The following KLHL29 variants were observed in gnomAD, a reference collection of about 807,000 sequenced individuals.
KLHL29 encodes kelch-like protein 29.
A neutral mutation model predicts 80.4 loss-of-function variants in KLHL29; 21 were observed. The observed-to-expected ratio is 0.26, with a 90% CI of 0.19 to 0.38. KLHL29 has a LOEUF of 0.38. Among genes scored for constraint, KLHL29 ranks in the 10% least tolerant of loss-of-function variants. The pLI, the probability that KLHL29 is intolerant of heterozygous loss-of-function variation, is 1.00. For missense variants in KLHL29, 867 were observed against 1,223.9 expected (o/e 0.71, Z 4.35); for synonymous variants, 511 against 526.8 (o/e 0.97, Z 0.41).
At chr2:23,399,414 A>T (rs913189854) in intron 1 of KLHL29, among the ~76,000 whole-genome samples, 18 of 152,348 alleles carry the variant, frequency 1.2e-4, no homozygotes, top group African/African-American at 4.3e-4. Flanking sequence ...CATCACAATA[A>T]AAAAATAGAT....
At chr2:23,633,794 T>G (rs900453678) in intron 3 of KLHL29, among the ~76,000 whole-genome samples, 1 of 151,732 alleles carries the variant, frequency 6.6e-6, no homozygotes, top group Non-Finnish European at 1.5e-5. Flanking sequence ...TGTGTGTGTT[T>G]AATTTGACTA....
chr2:23,601,193 G>A (rs1039238017), intron 3 of KLHL29, among the ~76,000 whole-genome samples: 5 of 152,136 alleles, frequency 3.3e-5, no homozygotes, highest in South Asian at 2.1e-4. Flanking sequence ...ACAAAAAGGC[G>A]TCGTCAAAAG....
chr2:23,512,527 T>C (rs1665804872), intron 2 of KLHL29, among the ~76,000 whole-genome samples: 1 of 152,200 alleles, frequency 6.6e-6, no homozygotes. Flanking sequence ...AAAAGAAGTT[T>C]AGAATGATAT....
chr2:23,562,610 T>C lies in KLHL29; in HGVS notation c.285+129T>C, dbSNP rs1667480003. The C allele has an allele frequency of 1.1e-6, 1 of 915,652 alleles. No individual in the cohort carries two copies. Among genetic ancestry groups the C allele is most frequent in the African/African-American group, 1.7e-5 (1 of 59,096 alleles). 56.7% of individuals were successfully genotyped at this position (915,652 alleles called of 1,614,324 possible). A position where few individuals can be genotyped will look rare whatever the true frequency, so the allele number is the denominator to read the frequency against. Reference sequence around the variant, plus strand: ...ACGCCCCGAGTCCTCCAGAGTCTTGTCCTTCCAGGACCTGGGCCTGGAAAC... The same window carrying C: ...ACGCCCCGAGTCCTCCAGAGTCTTGCCCTTCCAGGACCTGGGCCTGGAAAC... On this transcript the variant is annotated intron_variant, in intron 3 of 13. Transcript: ENST00000486442. The surrounding 1 kb of genome is among the most constrained non-coding windows in gnomAD (Gnocchi z 4.5).
chr2:23,524,385 C>CA, intron 2 of KLHL29: 2 of 165,294 alleles, frequency 1.2e-5, no homozygotes, highest in South Asian at 1.6e-4. Context: ...TAGGTCCTGC[C>CA]CCGGGCTCCC....
At chr2:23,510,576 C>T (rs61507117) in intron 2 of KLHL29, among the ~76,000 whole-genome samples, 10,308 of 152,292 alleles carry the variant, frequency 0.068, 410 homozygotes, top group Non-Finnish European at 0.089. Flanking sequence ...CAGGGTCCCC[C>T]GATTGTCACC....
chr2:23,499,363 A>G (rs1175541751), intron 2 of KLHL29, among the ~76,000 whole-genome samples: 1 of 152,126 alleles, frequency 6.6e-6, no homozygotes, highest in East Asian at 1.9e-4. Flanking sequence ...CAGGAAATGG[A>G]CAGATTAGGG....
chr2:23,607,815 C>T (rs1668766229), intron 3 of KLHL29, among the ~76,000 whole-genome samples: 1 of 152,188 alleles, frequency 6.6e-6, no homozygotes, highest in African/African-American at 2.4e-5. Context: ...GAACCATCTC[C>T]CCACACCCCC....
In KLHL29 at chr2:23,642,831, C is replaced by A. The variant is rs1048662480; in HGVS notation, c.921C>A (p.Thr307=). The change falls in exon 5 of 14, where the codon ACC becomes ACA. Residue 307 remains threonine (T), a synonymous_variant. Coordinates refer to ENST00000486442, the MANE Select transcript of KLHL29 (RefSeq NM_052920.2). ...RTIGVGKYEF[T]DPGHPREMLK... ...TTGGCGTGGGGAAGTATGAGTTCACCGACCCGGGGCACCCCAGAGGTAAGT... is the reference window on the plus strand; with the variant it reads ...TTGGCGTGGGGAAGTATGAGTTCACAGACCCGGGGCACCCCAGAGGTAAGT... 6.4e-7 allele frequency: 1 copy of A among 1,550,398 alleles called. No homozygotes were observed. The highest frequency in any genetic ancestry group is 1.4e-5 in the African/African-American group (1 of 73,150).
chr2:23,506,354 C>T (rs1289249479), intron 2 of KLHL29, among the ~76,000 whole-genome samples: 3 of 152,202 alleles, frequency 2.0e-5, no homozygotes, highest in Admixed American at 1.3e-4. Flanking sequence ...CCACGATGCA[C>T]CTCTGCCATG....
At chr2:23,525,475 G>C (rs572630877) in intron 2 of KLHL29, among the ~76,000 whole-genome samples, 7 of 152,354 alleles carry the variant, frequency 4.6e-5, no homozygotes, top group Admixed American at 4.6e-4. Flanking sequence ...AATGGTGGCC[G>C]GAGCTTGCTG....
At chr2:23,607,237 A>T (rs946737667) in intron 3 of KLHL29, among the ~76,000 whole-genome samples, 2 of 152,038 alleles carry the variant, frequency 1.3e-5, no homozygotes, top group African/African-American at 4.8e-5. Context: ...AACTGCCCAG[A>T]CCACACAGAC....
At chr2:23,490,773 C>CTTACA (rs1665074957) in intron 2 of KLHL29, among the ~76,000 whole-genome samples, 1 of 152,162 alleles carries the variant, frequency 6.6e-6, no homozygotes, top group African/African-American at 2.4e-5. Context: ...CTCCTCAGGG[C>CTTACA]TGGTTACATG....
intron 3 of KLHL29, among the ~76,000 whole-genome samples, chr2:23,591,804 C>G (rs1187581162): frequency 6.6e-6 from 1 of 152,238 alleles, no homozygotes; most frequent in Non-Finnish European, 1.5e-5. Flanking sequence ...CCAACCTCAT[C>G]TGCTGCCCAC....
chr2:23,568,421 G>A (rs965632188), intron 3 of KLHL29, among the ~76,000 whole-genome samples: 20 of 152,150 alleles, frequency 1.3e-4, no homozygotes, highest in African/African-American at 4.8e-4. Context: ...CTGTAGGTTG[G>A]CTAGTGGCTG....
In KLHL29 at chr2:23,664,903, G is replaced by A. The variant is rs149756409; in HGVS notation, c.941-19496G>A. On this transcript the variant is annotated intron_variant, in intron 5 of 13. Coordinates refer to ENST00000486442, the MANE Select transcript of KLHL29 (RefSeq NM_052920.2). ...CCTTTTCCCACAACCACAGAGTGAC[G>A]GGAGCCATAGGGAATCTCCCAAACA... is the stretch of plus-strand genomic sequence containing the variant. Among the ~76,000 whole-genome samples the A allele has an allele frequency of 6.7e-3, 1,020 of 152,370 alleles. 8 individuals are homozygous for A. Among genetic ancestry groups the A allele is most frequent in the Middle Eastern group, 0.02 (6 of 294 alleles).
rs926494320 is a variant in KLHL29, at chr2:23,562,587, G to T, written c.285+106G>T. 1.8e-6 allele frequency: 2 copies of T among 1,136,436 alleles called. No homozygotes were observed. Among genetic ancestry groups the T allele is most frequent in the African/African-American group, 1.6e-5 (1 of 63,568 alleles). 70.4% of individuals were successfully genotyped at this position (1,136,436 alleles called of 1,614,324 possible). A position where few individuals can be genotyped will look rare whatever the true frequency, so the allele number is the denominator to read the frequency against. On this transcript the variant is annotated intron_variant, in intron 3 of 13. Coordinates refer to ENST00000486442, the MANE Select transcript of KLHL29 (RefSeq NM_052920.2). The surrounding 1 kb of genome is among the most constrained non-coding windows in gnomAD (Gnocchi z 4.5). ...TCCTGTGGGGCAGCCTGTGCTCCAC[G>T]CCCCGAGTCCTCCAGAGTCTTGTCC...
At chr2:23,631,444 C>T (rs920677299) in intron 3 of KLHL29, among the ~76,000 whole-genome samples, 5 of 152,198 alleles carry the variant, frequency 3.3e-5, no homozygotes, top group African/African-American at 7.2e-5. Context: ...CAGTTTCCGG[C>T]ATGCGAGCCA....
chr2:23,414,364 G>A (rs1427706431), intron 1 of KLHL29, among the ~76,000 whole-genome samples: 31 of 152,238 alleles, frequency 2.0e-4, no homozygotes, highest in Non-Finnish European at 2.6e-4. Context: ...GCGGCGGGGT[G>A]GGAGGGATGC....
Sources: allele counts gnomAD v4.1 joint callset (sites outside exome capture counted in the v4.1 genomes callset), GRCh38; gene constraint gnomAD v4.1.1; non-coding constraint Gnocchi (gnomAD v3.1); transcripts MANE v1.5; gene names NCBI Gene and HGNC (gene_info 2026-07-23, HGNC 2026-07-21).